The following HSPA13 variants were observed in gnomAD, a reference collection of about 807,000 sequenced individuals.
HSPA13 encodes heat shock protein family A (Hsp70) member 13.
HSPA13 carries 29 observed loss-of-function variants against 38.8 expected under a neutral mutation model. The ratio of observed to expected loss-of-function variants is 0.75; its 90% confidence interval spans 0.56 to 1.02. HSPA13 has a LOEUF of 1.02. Ranked by LOEUF, HSPA13 falls within the 50% of genes least tolerant of loss-of-function variation. The probability of loss-of-function intolerance (pLI) is 0.00; values close to 1 mark genes in which losing one functional copy is unlikely to be tolerated. For missense variants in HSPA13, 451 were observed against 560.9 expected, an observed-to-expected ratio of 0.80 and a Z score of 1.98; for synonymous variants, 192 against 205.3, an observed-to-expected ratio of 0.94 and a Z score of 0.56.
At chr21:14,375,970 G>C (rs1984010229) in intron 3 of HSPA13, 151 bp from the exon 4 acceptor site, 2 of 561,442 alleles carry the variant, frequency 3.6e-6, no homozygotes, top group Non-Finnish European at 3.2e-6. Flanking sequence ...GCATGAAATG[G>C]GAACAGTAAA....
intron 3 of HSPA13, among the ~76,000 whole-genome samples, chr21:14,377,088 G>C (rs1014609954): frequency 6.6e-6 from 1 of 152,212 alleles, no homozygotes; most frequent in African/African-American, 2.4e-5. Flanking sequence ...AGAGGCTAGG[G>C]ACGCTGTTAA....
Position 14,381,490 on chromosome 21 carries a change from G to T in HSPA13, c.79C>A (p.Pro27Thr). The stretch of plus-strand genomic sequence containing the variant: ...CCAATCACTTTAGGAGTAGGCAATG[G>T]TAAATACTGTTGTGCCAAATAGCCG... ...LAGYLAQQYL[P>T]LPTPKVIGID... The change falls in exon 2 of 5, where the codon CCA becomes ACA. Residue 27 changes from proline (P) to threonine (T), a missense_variant. Pro to Thr is a conservative substitution (Grantham distance 38). Coordinates refer to ENST00000285667, the MANE Select transcript of HSPA13 (RefSeq NM_006948.5). The T allele has an allele frequency of 6.2e-7, 1 of 1,611,976 alleles. No homozygotes were observed. Among genetic ancestry groups the T allele is most frequent in the Non-Finnish European group, 8.5e-7 (1 of 1,178,196 alleles).
rs1463721930 is a variant in HSPA13 at position 14,372,087 on chromosome 21, T to C, written c.*1530A>G. ...AGAATTTTTTTTTAGATATGAAAAATATTAGTAACATTCAGCTTTTTACTA... is the reference window on the plus strand; with the variant it reads ...AGAATTTTTTTTTAGATATGAAAAACATTAGTAACATTCAGCTTTTTACTA... On this transcript the variant is annotated 3_prime_UTR_variant, in exon 5 of 5. Coordinates refer to ENST00000285667, the MANE Select transcript of HSPA13 (RefSeq NM_006948.5). The C allele has an allele frequency of 6.6e-6, 1 of 152,090 alleles. No homozygotes were observed. Among genetic ancestry groups the C allele is most frequent in the Non-Finnish European group, 1.5e-5 (1 of 67,924 alleles). The allele number at this position is 152,090 out of a possible 1,614,324, so 9.4% of individuals were successfully genotyped here. A position where few individuals can be genotyped will look rare whatever the true frequency, so the allele number is the denominator to read the frequency against.
At position 14,373,656 on chromosome 21, in the gene HSPA13, T is replaced by C; in HGVS notation, c.1377A>G (p.Glu459=). The C allele has an allele frequency of 6.2e-7, 1 of 1,612,638 alleles. No individual in the cohort carries two copies. The change falls in exon 5 of 5, where the codon GAA becomes GAG. Residue 459 remains glutamate (E), a synonymous_variant. Coordinates refer to ENST00000285667, the MANE Select transcript of HSPA13 (RefSeq NM_006948.5). ...GSWPLQVSAL[E]IPNKHLQKTN... is the part of the protein sequence containing the mutation. ...TTTTTTGTAAATGCTTATTGGGAAT[T>C]TCTAAAGCACTGACTTGGAGAGGCC...
At chr21:14,374,601 TG>T (rs1983973467) in intron 4 of HSPA13, among the ~76,000 whole-genome samples, 1 of 152,108 alleles carries the variant, frequency 6.6e-6, no homozygotes, top group Non-Finnish European at 1.5e-5. Flanking sequence ...TAAAAAATAA[TG>T]ACTGGGTTAA....
At chr21:14,380,737 A>G (rs1277170342) in intron 2 of HSPA13, among the ~76,000 whole-genome samples, 2 of 152,228 alleles carry the variant, frequency 1.3e-5, no homozygotes, top group Non-Finnish European at 2.9e-5. Context: ...AAAAAAGTAC[A>G]CTGATAGAGA....
intron 3 of HSPA13, among the ~76,000 whole-genome samples, chr21:14,376,531 T>C (rs1430607592): frequency 4.6e-5 from 7 of 152,376 alleles, no homozygotes; most frequent in East Asian, 3.9e-4. Flanking sequence ...AAATTCCTGC[T>C]TTAAACTAAA....
chr21:14,377,228 C>T (rs1162698948), intron 3 of HSPA13, among the ~76,000 whole-genome samples: 2 of 152,186 alleles, frequency 1.3e-5, no homozygotes, highest in Non-Finnish European at 2.9e-5. Context: ...TCTGGTAGAA[C>T]ATAAGTTCCA....
At chr21:14,378,135 T>C in intron 3 of HSPA13, 64 bp downstream of exon 3, 1 of 1,234,970 alleles carries the variant, frequency 8.1e-7, no homozygotes, top group Non-Finnish European at 1.2e-6. Context: ...TAAACCTTAC[T>C]ACAGAAGGTT....
rs776433481 is a variant in HSPA13 at position 14,381,194 on chromosome 21, A to G, written c.366+9T>C. Reference sequence around the variant, plus strand: ...TAAAATTAATATAGATTTTAGATTAATCACTTACCTTAAATGGGTATCTGC... The same window carrying G: ...TAAAATTAATATAGATTTTAGATTAGTCACTTACCTTAAATGGGTATCTGC... On this transcript the variant is annotated intron_variant, in intron 2 of 4. Coordinates refer to ENST00000285667, the MANE Select transcript of HSPA13 (RefSeq NM_006948.5). The G allele has an allele frequency of 6.4e-7, 1 of 1,568,934 alleles. No homozygotes were observed. Among genetic ancestry groups the G allele is most frequent in the Admixed American group, 1.7e-5 (1 of 57,258 alleles).
rs529694833 is a variant in HSPA13, at chr21:14,373,751, T to C, written c.1282A>G (p.Thr428Ala). ...ACTGCTAGGTCAGGGTCTACAGATGTGTTGGGATCTTTTCCAAAGAACTCT... is the reference window on the plus strand; with the variant it reads ...ACTGCTAGGTCAGGGTCTACAGATGCGTTGGGATCTTTTCCAAAGAACTCT... ...IQEFFGKDPN[T>A]SVDPDLAVVT... Residue 428 changes from threonine (T) to alanine (A), a missense_variant, in exon 5 of 5, where the codon ACA becomes GCA. Coordinates refer to ENST00000285667, the MANE Select transcript of HSPA13 (RefSeq NM_006948.5). 1 of 1,614,230 alleles carries C rather than the reference T, an allele frequency of 6.2e-7. No individual in the cohort carries two copies. Among genetic ancestry groups the C allele is most frequent in the South Asian group, 1.1e-5 (1 of 91,082 alleles).
chr21:14,381,672 T>C (rs962550531), intron 1 of HSPA13, 129 bp from the exon 2 acceptor site: 12 of 708,374 alleles, frequency 1.7e-5, no homozygotes, highest in African/African-American at 5.3e-5. Flanking sequence ...AAATTTTTTA[T>C]AGGACTGCTG....
chr21:14,381,573 T>C (rs1421211461), intron 1 of HSPA13, 30 bp from the exon 2 acceptor site: 3 of 1,520,982 alleles, frequency 2.0e-6, no homozygotes, highest in South Asian at 2.4e-5. Flanking sequence ...AAAGATGTAT[T>C]TTATCAAACT....
rs973537113 is a variant in HSPA13 at position 14,376,782 on chromosome 21, G to C, written c.581-963C>G. Among the ~76,000 whole-genome samples, 5 of 152,126 alleles carry C rather than the reference G, an allele frequency of 3.3e-5. No homozygotes were observed. The South Asian group carries it at 8.3e-4, about 25-fold the overall frequency. On this transcript the variant is annotated intron_variant, in intron 3 of 4. Transcript: ENST00000285667. ...TCTTCCTACAACACACTTTCTCCATGCGTCTGCATGGTTAAGTATTTTGCT... is the reference window on the plus strand; with the variant it reads ...TCTTCCTACAACACACTTTCTCCATCCGTCTGCATGGTTAAGTATTTTGCT...
intron 2 of HSPA13, 29 bp from the exon 3 acceptor site, chr21:14,378,441 TAAATA>T (rs772688716): frequency 7.7e-6 from 11 of 1,425,294 alleles, no homozygotes; most frequent in Non-Finnish European, 9.9e-6. Flanking sequence ...AATAAGTAAA[TAAATA>T]AAAGAGTAAA....
Position 14,374,185 on chromosome 21 carries a change from T to C in HSPA13, c.848A>G (p.Glu283Gly), listed in dbSNP as rs150910143. ...AGCTTGTCTCAATCTGTGGATTTCC[T>C]CTTTCCTAGAGGGCACGAAGCCATA... ...QTYGFVPSRK[E>G]EIHRLRQAVE... The change falls in exon 5 of 5, where the codon GAG (glutamate) becomes GGG (glycine). Residue 283 changes from glutamate to glycine, a missense_variant. Physicochemically the swap from Glu to Gly is moderately conservative, Grantham distance 98. Transcript: ENST00000285667. 2.5e-4 allele frequency: 408 copies of C among 1,613,682 alleles called. No homozygotes were observed. Among genetic ancestry groups the C allele is most frequent in the African/African-American group, 9.3e-5 (7 of 74,922 alleles).
In HSPA13 at chr21:14,373,499, T is replaced by C. The variant is rs751119172; in HGVS notation, c.*118A>G. 1 of 846,544 alleles carries C rather than the reference T, an allele frequency of 1.2e-6. No homozygotes were observed. The highest frequency in any genetic ancestry group is 2.6e-5 in the East Asian group (1 of 37,806). The allele number at this position is 846,544 out of a possible 1,614,324, so 52.4% of individuals were successfully genotyped here. A position where few individuals can be genotyped will look rare whatever the true frequency, so the allele number is the denominator to read the frequency against. ...TATGTAAAATTTTCCTGTATCTAAA[T>C]GTTGCCCTCTAGGTAAATCTGTGAT... On this transcript the variant is annotated 3_prime_UTR_variant, in exon 5 of 5. Transcript: ENST00000285667.
At chr21:14,383,001 A>G in intron 1 of HSPA13, 94 bp downstream of exon 1, 1 of 1,391,530 alleles carries the variant, frequency 7.2e-7, no homozygotes, top group South Asian at 1.2e-5. Context: ...TGCTCCAGCT[A>G]GATCCAGGAG....
chr21:14,378,320 C>G lies in HSPA13; in HGVS notation c.459G>C (p.Leu153Phe), dbSNP rs1568722899. The change falls in exon 3 of 5, where the codon TTG becomes TTC. Residue 153 changes from leucine to phenylalanine, a missense_variant. Physicochemically the swap from Leu to Phe is conservative, Grantham distance 22. Transcript: ENST00000285667. ...ATGCCTCTGCCATTTCCTTTAACTT[C>G]AACAATAGTCGAGAGCCAACATATT... is the stretch of plus-strand genomic sequence containing the variant. Reference protein sequence around the residue: ...SPEYVGSRLLLKLKEMAEAYL... With the variant: ...SPEYVGSRLLFKLKEMAEAYL... 6.2e-7 allele frequency: 1 copy of G among 1,614,042 alleles called. No individual in the cohort carries two copies.
Sources: allele counts gnomAD v4.1 joint callset (sites outside exome capture counted in the v4.1 genomes callset), GRCh38; gene constraint gnomAD v4.1.1; transcripts MANE v1.5; gene names NCBI Gene and HGNC (gene_info 2026-07-23, HGNC 2026-07-21).